Variants in EHHADH observed in about 807,000 individuals in gnomAD.
EHHADH encodes the protein peroxisomal bifunctional enzyme.
A neutral mutation model predicts 64.4 loss-of-function variants in EHHADH; 48 were observed. The observed-to-expected ratio is 0.75, with a 90% CI of 0.59 to 0.95. The LOEUF is 0.95. Ranked by LOEUF, EHHADH falls within the 40% of genes least tolerant of loss-of-function variation. The probability of loss-of-function intolerance (pLI) is 0.00; values close to 1 mark genes in which losing one functional copy is unlikely to be tolerated. For missense variants in EHHADH, 854 were observed against 876.6 expected (o/e 0.97, Z 0.33); for synonymous variants, 308 against 326.7 (o/e 0.94, Z 0.62).
chr3:185,218,523 C>T (rs1263864718), intron 4 of EHHADH, among the ~76,000 whole-genome samples: 1 of 152,082 alleles, frequency 6.6e-6, no homozygotes, highest in Non-Finnish European at 1.5e-5. Context: ...AATAATTATG[C>T]TTATCTCAGT....
At chr3:185,248,557 T>C in intron 1 of EHHADH, 40 bp from the exon 2 acceptor site, 4 of 1,439,390 alleles carry the variant, frequency 2.8e-6, no homozygotes, top group Non-Finnish European at 3.9e-6. Flanking sequence ...TCAGTCAGAA[T>C]TAAATTCCTA....
At chr3:185,199,034 G>A (rs1718153942) in intron 6 of EHHADH, among the ~76,000 whole-genome samples, 1 of 152,222 alleles carries the variant, frequency 6.6e-6, no homozygotes, top group African/African-American at 2.4e-5. Flanking sequence ...AGTAAATGAT[G>A]TGAAAAGTTC....
chr3:185,235,226 A>T, intron 3 of EHHADH, 64 bp downstream of exon 3: 1 of 1,436,522 alleles, frequency 7.0e-7, no homozygotes. Context: ...TTATGACTAC[A>T]TTTAGAGTTT....
At chr3:185,227,065 A>C (rs377086185) in intron 4 of EHHADH, among the ~76,000 whole-genome samples, 3 of 152,376 alleles carry the variant, frequency 2.0e-5, no homozygotes, top group South Asian at 4.1e-4. Context: ...ATTAAGTTGC[A>C]CAAGGCATAT....
At chr3:185,208,529 G>A (rs1718457637) in intron 5 of EHHADH, among the ~76,000 whole-genome samples, 1 of 152,206 alleles carries the variant, frequency 6.6e-6, no homozygotes, top group African/African-American at 2.4e-5. Context: ...ACTACTGAAT[G>A]TTGGTGATGA....
chr3:185,236,305 A>G (rs895747945), intron 2 of EHHADH, among the ~76,000 whole-genome samples: 27 of 149,312 alleles, frequency 1.8e-4, no homozygotes, highest in Admixed American at 1.2e-3. Context: ...CGCTCTCCTT[A>G]TGAGAATCTA....
intron 5 of EHHADH, among the ~76,000 whole-genome samples, chr3:185,209,639 C>G (rs1449848320): frequency 6.6e-6 from 1 of 152,164 alleles, no homozygotes; most frequent in South Asian, 2.1e-4. Context: ...TCCAAGGGAA[C>G]GTGAGTAAGG....
intron 4 of EHHADH, among the ~76,000 whole-genome samples, chr3:185,223,858 G>C (rs563797969): frequency 6.6e-6 from 1 of 152,312 alleles, no homozygotes; most frequent in South Asian, 2.1e-4. Context: ...AGAGGAGCAG[G>C]ACACTGTAGT....
intron 5 of EHHADH, among the ~76,000 whole-genome samples, chr3:185,214,311 T>G (rs1161506705): frequency 6.6e-6 from 1 of 152,214 alleles, no homozygotes; most frequent in African/African-American, 2.4e-5. Flanking sequence ...GAACATGATT[T>G]GAAACCAGCT....
At chr3:185,250,523 C>T (rs992300076) in intron 1 of EHHADH, among the ~76,000 whole-genome samples, 8 of 152,164 alleles carry the variant, frequency 5.3e-5, no homozygotes, top group African/African-American at 1.9e-4. Flanking sequence ...AACCAGATTC[C>T]AATCAGTTTT....
chr3:185,193,683 A>T (rs1717979151), intron 6 of EHHADH, among the ~76,000 whole-genome samples, 196 bp from the exon 7 acceptor site: 1 of 152,220 alleles, frequency 6.6e-6, no homozygotes, highest in South Asian at 2.1e-4. Context: ...AGTCAGATTC[A>T]CACACACAAA....
At chr3:185,201,456 C>A (rs1718219226) in intron 6 of EHHADH, among the ~76,000 whole-genome samples, 1 of 152,170 alleles carries the variant, frequency 6.6e-6, no homozygotes, top group African/African-American at 2.4e-5. Flanking sequence ...ACCCAGCTGT[C>A]CATGGAGTGT....
At chr3:185,234,744 A>C (rs1719241496) in intron 3 of EHHADH, among the ~76,000 whole-genome samples, 1 of 152,226 alleles carries the variant, frequency 6.6e-6, no homozygotes, top group African/African-American at 2.4e-5. Flanking sequence ...GCTAAGGTTA[A>C]GGGAAACAAG....
chr3:185,239,839 G>A (rs1385245058), intron 2 of EHHADH, among the ~76,000 whole-genome samples: 3 of 152,144 alleles, frequency 2.0e-5, no homozygotes, highest in African/African-American at 7.2e-5. Context: ...GGTGAGAGTG[G>A]GCATCCTTGT....
In EHHADH at chr3:185,192,932, T is replaced by C. The variant is rs1470269383; in HGVS notation, c.1466A>G (p.Tyr489Cys). The C allele has an allele frequency of 6.2e-7, 1 of 1,614,206 alleles. No individual in the cohort carries two copies. Among genetic ancestry groups the C allele is most frequent in the Admixed American group, 1.7e-5 (1 of 60,026 alleles). The part of the protein sequence containing the change: ...FVGNRMLNPY[Y>C]NQAYFLLEEG... ...TTCTAACAAGAAATATGCCTGATTG[T>C]AGTAAGGATTCAACATTCGATTCCC... Residue 489 changes from tyrosine (Y) to cysteine (C), a missense_variant, in exon 7 of 7, where the codon TAC (tyrosine) becomes TGC (cysteine). By Grantham distance (194) the Tyr-to-Cys change is radical. Transcript: ENST00000231887.
intron 1 of EHHADH, among the ~76,000 whole-genome samples, chr3:185,250,457 G>A (rs1194052395): frequency 6.6e-6 from 1 of 151,708 alleles, no homozygotes; most frequent in Non-Finnish European, 1.5e-5. Flanking sequence ...TAAGTACCAA[G>A]CAATAAGAGA....
At chr3:185,238,174 G>A (rs1719349634) in intron 2 of EHHADH, among the ~76,000 whole-genome samples, 1 of 152,078 alleles carries the variant, frequency 6.6e-6, no homozygotes, top group Non-Finnish European at 1.5e-5. Context: ...AGACCCTTAG[G>A]TTGATTCCAT....
intron 6 of EHHADH, among the ~76,000 whole-genome samples, chr3:185,198,241 T>C (rs770939102): frequency 1.3e-5 from 2 of 151,926 alleles, no homozygotes; most frequent in African/African-American, 2.4e-5. Flanking sequence ...TTTTTTGAGA[T>C]GGAGTCTTGC....
chr3:185,247,289 A>C (rs187707029), intron 2 of EHHADH, among the ~76,000 whole-genome samples: 1 of 152,226 alleles, frequency 6.6e-6, no homozygotes, highest in Admixed American at 6.5e-5. Context: ...CTCTAATTAC[A>C]TTCTCTCATC....
Sources: allele counts gnomAD v4.1 joint callset (sites outside exome capture counted in the v4.1 genomes callset), GRCh38; gene constraint gnomAD v4.1.1; transcripts MANE v1.5; gene names NCBI Gene and HGNC (gene_info 2026-07-23, HGNC 2026-07-21).